Variants in IL1RAPL1 observed in about 807,000 individuals in gnomAD.
IL1RAPL1 encodes the protein interleukin 1 receptor accessory protein like 1, also known as interleukin-1 receptor accessory protein-like 1.
IL1RAPL1 carries 3 observed loss-of-function variants against 48.4 expected under a neutral mutation model. The ratio of observed to expected loss-of-function variants is 0.06; its 90% CI spans 0.03 to 0.16. The LOEUF is 0.16. Among genes scored for constraint, IL1RAPL1 ranks in the 10% least tolerant of loss-of-function variants. The probability of loss-of-function intolerance (pLI) is 1.00; values close to 1 mark genes in which losing one functional copy is unlikely to be tolerated. For synonymous variants in IL1RAPL1, 185 were observed against 187.7 expected (o/e 0.99, Z 0.12); for missense variants, 349 against 530.6 (o/e 0.66, Z 3.36).
At chrX:28,770,547 C>T (rs1294134033) in intron 1 of IL1RAPL1, among the ~76,000 whole-genome samples, 1 of 112,393 alleles carries the variant, frequency 8.9e-6, no homozygotes, top group Non-Finnish European at 1.9e-5. Context: ...TGCAATCTTG[C>T]TGACATGTGT....
chrX:29,311,996 G>T (rs1264693337), intron 3 of IL1RAPL1, among the ~76,000 whole-genome samples: 2 of 111,964 alleles, frequency 1.8e-5, no homozygotes, highest in African/African-American at 6.5e-5. Flanking sequence ...GGGACAGGCA[G>T]ATTAATCAAG....
intron 5 of IL1RAPL1, among the ~76,000 whole-genome samples, chrX:29,482,648 T>C (rs1229106505): frequency 8.9e-6 from 1 of 112,360 alleles, no homozygotes; most frequent in African/African-American, 3.2e-5. Flanking sequence ...GCATAGAATT[T>C]CATTTTGTGG....
intron 2 of IL1RAPL1, among the ~76,000 whole-genome samples, chrX:28,848,247 A>G (rs1180800569): frequency 1.8e-5 from 2 of 111,227 alleles, no homozygotes; most frequent in African/African-American, 6.5e-5. Context: ...AGGTTGGTAG[A>G]TGCAGCAAGC....
At chrX:29,389,781 G>T (rs1356516246) in intron 3 of IL1RAPL1, among the ~76,000 whole-genome samples, 1 of 112,377 alleles carries the variant, frequency 8.9e-6, no homozygotes, top group Non-Finnish European at 1.9e-5. Flanking sequence ...GTTTAAAAAA[G>T]AATTTCAAAT....
chrX:29,139,151 T>C lies in IL1RAPL1; in HGVS notation c.83-143787T>C, dbSNP rs1386143712. Among the ~76,000 whole-genome samples the C allele has an allele frequency of 5.4e-5, 6 of 111,294 alleles. No individual in the cohort carries two copies. The East Asian group carries it at 1.4e-3, about 26-fold the overall frequency. ...TGGTCACTCATTTCTCCATTCTACT[T>C]GTAGTCTGTGTAGTGAGAGGAAAAC... On this transcript the variant is annotated intron_variant, in intron 2 of 10. Coordinates refer to ENST00000378993, the MANE Select transcript of IL1RAPL1 (RefSeq NM_014271.4).
At chrX:29,486,612 C>CAAAAAA (rs768358495) in intron 5 of IL1RAPL1, among the ~76,000 whole-genome samples, 13 of 40,904 alleles carry the variant, frequency 3.2e-4, no homozygotes, top group Non-Finnish European at 4.5e-4. Flanking sequence ...AAGTGCTATA[C>CAAAAAA]AAAAAAAAAA....
At chrX:29,469,641 C>T (rs1934900858) in intron 5 of IL1RAPL1, among the ~76,000 whole-genome samples, 2 of 111,492 alleles carry the variant, frequency 1.8e-5, no homozygotes, top group African/African-American at 3.3e-5. Flanking sequence ...AAACTCTACT[C>T]AGAAAATACA....
At chrX:29,753,794 T>A (rs1341191767) in intron 6 of IL1RAPL1, among the ~76,000 whole-genome samples, 1 of 111,815 alleles carries the variant, frequency 8.9e-6, no homozygotes, top group Non-Finnish European at 1.9e-5. Flanking sequence ...CTTATCACAA[T>A]CCTAAGGCAT....
chrX:29,093,012 T>C (rs982975678), intron 2 of IL1RAPL1, among the ~76,000 whole-genome samples: 7 of 111,856 alleles, frequency 6.3e-5, no homozygotes, highest in Admixed American at 1.9e-4. Flanking sequence ...TAACCAGTCA[T>C]TACTGCCATG....
At chrX:29,654,093 T>C (rs1925602802) in intron 5 of IL1RAPL1, among the ~76,000 whole-genome samples, 1 of 109,477 alleles carries the variant, frequency 9.1e-6, no homozygotes, top group Admixed American at 9.8e-5. Flanking sequence ...TGAGAGAGGC[T>C]AATTATCTGG....
intron 3 of IL1RAPL1, among the ~76,000 whole-genome samples, chrX:29,332,556 C>G (rs1932895821): frequency 9.6e-6 from 1 of 104,085 alleles, no homozygotes; most frequent in Admixed American, 1.1e-4. Context: ...ATGTTTATCC[C>G]AAATCCAGCT....
chrX:29,431,231 G>C (rs146085144), intron 5 of IL1RAPL1, among the ~76,000 whole-genome samples: 27 of 112,154 alleles, frequency 2.4e-4, no homozygotes, highest in African/African-American at 8.4e-4. Flanking sequence ...AGTCTGACTT[G>C]AATGTGCTCT....
chrX:29,087,466 C>T (rs1927979977), intron 2 of IL1RAPL1, among the ~76,000 whole-genome samples: 1 of 110,961 alleles, frequency 9.0e-6, no homozygotes, highest in Non-Finnish European at 1.9e-5. Flanking sequence ...TCGACAGCAA[C>T]TACAAACATT....
chrX:28,644,003 T>C (rs1434119690), intron 1 of IL1RAPL1, among the ~76,000 whole-genome samples: 1 of 111,838 alleles, frequency 8.9e-6, no homozygotes, highest in Non-Finnish European at 1.9e-5. Context: ...TTATGGAAAA[T>C]AGGGATCAAA....
At chrX:29,609,044 T>A (rs139630036) in intron 5 of IL1RAPL1, among the ~76,000 whole-genome samples, 97 of 111,760 alleles carry the variant, frequency 8.7e-4, no homozygotes, top group African/African-American at 3.0e-3. Flanking sequence ...ATTATTGCTT[T>A]TGCATAATTT....
At chrX:29,228,046 G>GT (rs1319772602) in intron 2 of IL1RAPL1, among the ~76,000 whole-genome samples, 15 of 108,601 alleles carry the variant, frequency 1.4e-4, no homozygotes, top group South Asian at 8.2e-4. Context: ...AAATTTACAG[G>GT]TAATGAACAC....
At chrX:29,888,306 C>G (rs1184678676) in intron 6 of IL1RAPL1, among the ~76,000 whole-genome samples, 1 of 109,032 alleles carries the variant, frequency 9.2e-6, no homozygotes, top group Non-Finnish European at 1.9e-5. Context: ...TCACCGCAAC[C>G]TCTGCCTCCC....
At chrX:28,814,040 A>G (rs569147775) in intron 2 of IL1RAPL1, among the ~76,000 whole-genome samples, 1 of 110,842 alleles carries the variant, frequency 9.0e-6, no homozygotes, top group East Asian at 2.9e-4. Flanking sequence ...TTGCACTCAC[A>G]GTGATTTTGC....
intron 2 of IL1RAPL1, among the ~76,000 whole-genome samples, chrX:29,109,270 T>A (rs1269526592): frequency 1.9e-5 from 2 of 106,098 alleles, no homozygotes; most frequent in African/African-American, 6.8e-5. Flanking sequence ...AAAAATAAAT[T>A]TTTGTCATTT....
Sources: allele counts gnomAD v4.1 joint callset (sites outside exome capture counted in the v4.1 genomes callset), GRCh38; gene constraint gnomAD v4.1.1; transcripts MANE v1.5; gene names NCBI Gene and HGNC (gene_info 2026-07-23, HGNC 2026-07-21).